Variants in IL1RAPL1 observed in about 807,000 individuals in gnomAD.
IL1RAPL1 encodes the protein interleukin 1 receptor accessory protein like 1, also known as interleukin-1 receptor accessory protein-like 1.
A neutral mutation model predicts 48.4 loss-of-function variants in IL1RAPL1; 3 were observed. The ratio of observed to expected loss-of-function variants is 0.06; its 90% CI spans 0.03 to 0.16. IL1RAPL1 has a LOEUF of 0.16. Among genes scored for constraint, IL1RAPL1 ranks in the 10% least tolerant of loss-of-function variants. The probability of loss-of-function intolerance (pLI) is 1.00; values close to 1 mark genes in which losing one functional copy is unlikely to be tolerated. For missense variants in IL1RAPL1, 349 were observed against 530.6 expected (o/e 0.66, Z 3.36); for synonymous variants, 185 against 187.7 (o/e 0.99, Z 0.12).
intron 2 of IL1RAPL1, among the ~76,000 whole-genome samples, chrX:29,006,645 A>ATGTGTGTGTG (rs1399219653): frequency 6.2e-5 from 5 of 80,073 alleles, no homozygotes; most frequent in African/African-American, 2.5e-4. Flanking sequence ...GTGTTTATAT[A>ATGTGTGTGTG]TATGTGTGTG....
chrX:29,265,710 G>A (rs1251517878), intron 2 of IL1RAPL1, among the ~76,000 whole-genome samples: 1 of 98,808 alleles, frequency 1.0e-5, no homozygotes, highest in Non-Finnish European at 2.0e-5. Context: ...CTATGAGTGA[G>A]AATATGCGGT....
At chrX:29,073,775 ACT>A (rs1306983526) in intron 2 of IL1RAPL1, among the ~76,000 whole-genome samples, 6 of 110,514 alleles carry the variant, frequency 5.4e-5, no homozygotes, top group Non-Finnish European at 9.5e-5. Flanking sequence ...TTTCCCACTA[ACT>A]CTTTTATTTT....
intron 5 of IL1RAPL1, among the ~76,000 whole-genome samples, chrX:29,660,001 A>G (rs113554118): frequency 5.2e-4 from 58 of 111,622 alleles, no homozygotes; most frequent in African/African-American, 1.9e-3. Flanking sequence ...ACAATCAGGC[A>G]GAAGTGAAGA....
intron 2 of IL1RAPL1, among the ~76,000 whole-genome samples, chrX:29,056,975 G>A (rs1296210817): frequency 8.9e-6 from 1 of 112,113 alleles, no homozygotes; most frequent in East Asian, 2.8e-4. Context: ...GACCATGTTA[G>A]TTTGAGAAGT....
At chrX:29,725,068 A>G (rs1322753985) in intron 6 of IL1RAPL1, among the ~76,000 whole-genome samples, 1 of 110,989 alleles carries the variant, frequency 9.0e-6, no homozygotes. Flanking sequence ...AATTATATAT[A>G]TGTACTGGAG....
intron 6 of IL1RAPL1, among the ~76,000 whole-genome samples, chrX:29,802,856 TAC>T (rs2147169851): frequency 1.1e-5 from 1 of 92,333 alleles, no homozygotes; most frequent in African/African-American, 4.1e-5. Context: ...TATGTGTATA[TAC>T]GTGTACATAT....
At chrX:29,307,684 G>A (rs1171074526) in intron 3 of IL1RAPL1, among the ~76,000 whole-genome samples, 1 of 111,818 alleles carries the variant, frequency 8.9e-6, no homozygotes, top group Non-Finnish European at 1.9e-5. Context: ...TTAATAGAAA[G>A]CTTCTTAAAT....
chrX:28,949,703 T>G (rs1924399753), intron 2 of IL1RAPL1, among the ~76,000 whole-genome samples: 1 of 109,653 alleles, frequency 9.1e-6, no homozygotes, highest in South Asian at 3.9e-4. Context: ...TGATGAGCAT[T>G]TTTTCATGTG....
intron 2 of IL1RAPL1, among the ~76,000 whole-genome samples, chrX:28,945,077 C>T (rs1348100003): frequency 4.5e-5 from 5 of 110,848 alleles, no homozygotes; most frequent in African/African-American, 6.6e-5. Flanking sequence ...GTCAGAATGA[C>T]GATTATTAAA....
chrX:29,711,002 CCTTTAT>C (rs1011421252), intron 6 of IL1RAPL1, among the ~76,000 whole-genome samples: 12 of 98,241 alleles, frequency 1.2e-4, no homozygotes, highest in Admixed American at 2.3e-4. Flanking sequence ...AGAATCATCA[CCTTTAT>C]CTTTATAATT....
intron 2 of IL1RAPL1, among the ~76,000 whole-genome samples, chrX:29,127,220 A>G (rs192296224): frequency 1.8e-5 from 2 of 110,881 alleles, no homozygotes; most frequent in African/African-American, 3.3e-5. Context: ...TGCTTTTACA[A>G]AAATGACCCA....
intron 1 of IL1RAPL1, chrX:28,659,522 G>A: frequency 2.2e-6 from 1 of 464,845 alleles, no homozygotes; most frequent in Non-Finnish European, 3.9e-6. Flanking sequence ...GGAGCTCGGC[G>A]AGCTAGAGGC....
chrX:29,950,026 AAG>A (rs993923066), intron 9 of IL1RAPL1, among the ~76,000 whole-genome samples: 3 of 112,082 alleles, frequency 2.7e-5, no homozygotes, highest in African/African-American at 9.7e-5. Flanking sequence ...ACTCTGGAGA[AAG>A]AGAGAAATTA....
At chrX:29,497,102 A>T (rs1295120051) in intron 5 of IL1RAPL1, among the ~76,000 whole-genome samples, 1 of 112,540 alleles carries the variant, frequency 8.9e-6, no homozygotes, top group Non-Finnish European at 1.9e-5. Context: ...TAAATTGTGT[A>T]TCTTGATAAT....
intron 5 of IL1RAPL1, among the ~76,000 whole-genome samples, chrX:29,617,336 G>C (rs1273915023): frequency 8.9e-6 from 1 of 111,770 alleles, no homozygotes. Flanking sequence ...TTATGTTGTT[G>C]CTAGAGATAC....
At chrX:28,868,942 T>G (rs1922141609) in intron 2 of IL1RAPL1, among the ~76,000 whole-genome samples, 1 of 112,214 alleles carries the variant, frequency 8.9e-6, no homozygotes, top group Admixed American at 9.5e-5. Context: ...AAAATCTTCC[T>G]TGTCTTCATG....
At chrX:28,625,769 T>TGTGTGTGTGTGTGTGTGTGTGTG (rs1569140767) in intron 1 of IL1RAPL1, among the ~76,000 whole-genome samples, 1 of 110,345 alleles carries the variant, frequency 9.1e-6, no homozygotes, top group Non-Finnish European at 1.9e-5. Context: ...TGTGTGTGTG[T>TGTGTGTGTGTGTGTGTGTGTGTG]TTTACCAAGA....
intron 2 of IL1RAPL1, among the ~76,000 whole-genome samples, chrX:28,795,526 C>A (rs1379112681): frequency 1.8e-5 from 2 of 111,123 alleles, no homozygotes; most frequent in African/African-American, 6.5e-5. Context: ...ATGAATGAAT[C>A]TTCCAAGTTG....
chrX:29,794,196 G>C (rs1337702758), intron 6 of IL1RAPL1, among the ~76,000 whole-genome samples: 1 of 111,083 alleles, frequency 9.0e-6, no homozygotes, highest in Non-Finnish European at 1.9e-5. Flanking sequence ...ATCTATGAAT[G>C]AAATTCAAAA....
Sources: gnomAD v4.1 joint callset for allele counts (sites outside exome capture counted in the v4.1 genomes callset) on GRCh38, gnomAD v4.1.1 for gene constraint, MANE v1.5 for transcripts, NCBI Gene and HGNC (gene_info 2026-07-23, HGNC 2026-07-21) for gene names.